Variants in CEP78 observed in about 807,000 individuals in gnomAD.
The protein encoded by CEP78 is centrosomal protein of 78 kDa.
CEP78 carries 76 observed loss-of-function variants against 81.2 expected under a neutral mutation model. The observed-to-expected ratio is 0.94, with a 90% CI of 0.78 to 1.13. The LOEUF (loss-of-function observed/expected upper bound fraction) is 1.13. CEP78 is among the 50% of genes most tolerant of loss of function. CEP78 has a pLI of 0.00. For missense variants in CEP78, 918 were observed against 846.8 expected, an observed-to-expected ratio of 1.08 and a Z score of -1.04; for synonymous variants, 293 against 301.4, an observed-to-expected ratio of 0.97 and a Z score of 0.29.
At chr9:78,261,257 A>G (rs927109377) in intron 11 of CEP78, among the ~76,000 whole-genome samples, 3 of 152,036 alleles carry the variant, frequency 2.0e-5, no homozygotes, top group Non-Finnish European at 4.4e-5. Flanking sequence ...TGTATTTTTG[A>G]TCTGCATTTG....
chr9:78,243,038 TA>T (rs1826306384), intron 4 of CEP78, among the ~76,000 whole-genome samples: 1 of 152,202 alleles, frequency 6.6e-6, no homozygotes, highest in African/African-American at 2.4e-5. Context: ...AGTTTATTAA[TA>T]AATAACTTAC....
chr9:78,264,439 C>A, intron 13 of CEP78, 123 bp downstream of exon 13: 1 of 662,436 alleles, frequency 1.5e-6, no homozygotes, highest in Non-Finnish European at 2.4e-6. Flanking sequence ...AAGTAATACA[C>A]TTGATTTTTT....
chr9:78,250,148 A>G (rs1303452173), intron 8 of CEP78: 3 of 396,988 alleles, frequency 7.6e-6, no homozygotes, highest in Non-Finnish European at 1.3e-5. Context: ...TTTTCTTAGC[A>G]TGATTAAAGA....
chr9:78,240,318 G>A lies in CEP78; in HGVS notation c.453G>A (p.Val151=), dbSNP rs765143705. ...AKGLNKSASL[V]HLSLANCPIG... is the part of the protein sequence containing the mutation. ...GATTGAATAAATCGGCTTCTTTGGT[G>A]CACCTGTCTCTTGCAAATTGTCCAA... The change falls in exon 3 of 17, where the codon GTG becomes GTA. Residue 151 remains valine (V), a synonymous_variant. Coordinates refer to ENST00000643273, the MANE Select transcript of CEP78 (RefSeq NM_001330691.3). 1 of 1,597,974 alleles carries A rather than the reference G, an allele frequency of 6.3e-7. No individual in the cohort carries two copies.
chr9:78,241,704 C>G lies in CEP78; in HGVS notation c.508C>G (p.Gln170Glu). 2 of 1,545,816 alleles carry G rather than the reference C, an allele frequency of 1.3e-6. No individual in the cohort carries two copies. The highest frequency in any genetic ancestry group is 1.8e-6 in the Non-Finnish European group (2 of 1,130,786). ...IGDGGLEIIC[Q>E]GIKSSITLKT... ...TTTTTTTTCCATTTTAGTTATTTGT[C>G]AAGGTATAAAGAGCTCTATCACTCT... The change falls in exon 4 of 17, where the codon CAA becomes GAA. Residue 170 changes from glutamine (Q) to glutamate (E), a missense_variant. By Grantham distance (29) the Gln-to-Glu change is conservative (BLOSUM62 2). Transcript: ENST00000643273.
At chr9:78,242,104 A>C (rs1269615956) in intron 4 of CEP78, among the ~76,000 whole-genome samples, 1 of 152,230 alleles carries the variant, frequency 6.6e-6, no homozygotes, top group Admixed American at 6.5e-5. Context: ...TGTATTTAGG[A>C]TAAAATTACA....
chr9:78,255,093 T>TC, intron 11 of CEP78, 129 bp downstream of exon 11: 2 of 609,096 alleles, frequency 3.3e-6, no homozygotes, highest in Non-Finnish European at 5.4e-6. Flanking sequence ...CTATCTCATA[T>TC]CCCTTGAATG....
Position 78,236,363 on chromosome 9 carries a change from G to A in CEP78, c.13G>A (p.Val5Met), listed in dbSNP as rs766857594. Residue 5 changes from valine to methionine, a missense_variant, in exon 1 of 17, where the codon GTG (valine) becomes ATG (methionine). Val to Met is a conservative substitution (Grantham distance 21). Coordinates refer to ENST00000643273, the MANE Select transcript of CEP78 (RefSeq NM_001330691.3). MIDS[V>M]KLRRDSAADF... ...CCGCCCTCGGGCCATGATCGACTCC[G>A]TGAAGCTGCGCCGCGACAGCGCGGC... is the stretch of plus-strand genomic sequence containing the variant. The A allele has an allele frequency of 6.3e-7, 1 of 1,579,690 alleles. No homozygotes were observed. The highest frequency in any genetic ancestry group is 1.3e-5 in the African/African-American group (1 of 74,402).
chr9:78,250,296 ATAGT>A (rs1452907525), intron 8 of CEP78: 11 of 398,084 alleles, frequency 2.8e-5, no homozygotes, highest in South Asian at 1.3e-4. Flanking sequence ...TTTATATTTA[ATAGT>A]TAGGTGTCAG....
chr9:78,262,219 T>TTA (rs1827308746), intron 11 of CEP78, among the ~76,000 whole-genome samples: 1 of 151,654 alleles, frequency 6.6e-6, no homozygotes, highest in Non-Finnish European at 1.5e-5. Flanking sequence ...TTTTTTTTTT[T>TTA]ACCAATCACA....
At chr9:78,245,501 C>A (rs139991596) in intron 5 of CEP78, among the ~76,000 whole-genome samples, 1 of 152,142 alleles carries the variant, frequency 6.6e-6, no homozygotes, top group Non-Finnish European at 1.5e-5. Context: ...AATACTACTA[C>A]CCTGTTGTGG....
intron 16 of CEP78, chr9:78,267,214 T>C (rs1827581967): frequency 9.9e-6 from 4 of 402,038 alleles, no homozygotes; most frequent in South Asian, 8.1e-5. Flanking sequence ...GAGGGGCTAG[T>C]ATGTATAATA....
chr9:78,259,635 T>C (rs1303556792), intron 11 of CEP78, among the ~76,000 whole-genome samples: 1 of 152,228 alleles, frequency 6.6e-6, no homozygotes, highest in Non-Finnish European at 1.5e-5. Context: ...CACCAGGCAC[T>C]CTTCTCAGTT....
chr9:78,264,343 C>A, intron 13 of CEP78, 27 bp downstream of exon 13: 2 of 1,604,348 alleles, frequency 1.2e-6, no homozygotes, highest in South Asian at 1.1e-5. Context: ...CTATGACATT[C>A]GTCCCTCCAT....
Position 78,256,563 on chromosome 9 carries a change from C to T in CEP78, c.1380+1599C>T, listed in dbSNP as rs1482217791. Among the ~76,000 whole-genome samples the T allele has an allele frequency of 8.0e-5, 10 of 124,500 alleles. No individual in the cohort carries two copies. In the South Asian group the frequency reaches 1.4e-3, roughly 17 times the overall value. The allele number at this position is 124,500 out of a possible 152,430, so 81.7% of individuals were successfully genotyped here. A position where few individuals can be genotyped will look rare whatever the true frequency, so the allele number is the denominator to read the frequency against. The stretch of plus-strand genomic sequence containing the variant: ...TTTTTTTTTTTTTGAGATGGAGTCT[C>T]GCTCTGTCGCCCAGGCTGGAATGCA... On this transcript the variant is annotated intron_variant, in intron 11 of 16. Coordinates refer to ENST00000643273, the MANE Select transcript of CEP78 (RefSeq NM_001330691.3).
chr9:78,259,227 C>T (rs1208631527), intron 11 of CEP78, among the ~76,000 whole-genome samples: 1 of 152,156 alleles, frequency 6.6e-6, no homozygotes, highest in African/African-American at 2.4e-5. Context: ...TGTGCATTCA[C>T]TATGATTCCC....
Position 78,264,253 on chromosome 9 carries a change from T to G in CEP78, c.1562T>G (p.Leu521Trp). 1.9e-6 allele frequency: 3 copies of G among 1,612,394 alleles called. No homozygotes were observed. The highest frequency in any genetic ancestry group is 1.1e-5 in the South Asian group (1 of 91,008). Residue 521 changes from leucine (L) to tryptophan (W), a missense_variant, in exon 13 of 17, where the codon TTG becomes TGG. Leu to Trp is a moderately conservative substitution (Grantham distance 61, BLOSUM62 -2). Transcript: ENST00000643273. The stretch of plus-strand genomic sequence containing the variant: ...ATGATCCTGGATGATGAAGGTGTTT[T>G]GGGCAGCATTGAGAATTCTTTTCAG... ...TNMILDDEGVLGSIENSFQKF... is the reference protein window; with the variant it reads ...TNMILDDEGVWGSIENSFQKF...
rs894913243 is a variant in CEP78, at chr9:78,276,661, T to C, written c.*5810T>C. ...TTAGAAAATGTATGAGGAAATAGACTCTCATCCACAATAGCTGCGAGAAGT... is the reference window on the plus strand; with the variant it reads ...TTAGAAAATGTATGAGGAAATAGACCCTCATCCACAATAGCTGCGAGAAGT... On this transcript the variant is annotated 3_prime_UTR_variant, in exon 17 of 17. Transcript: ENST00000643273. The C allele has an allele frequency of 2.6e-5, 4 of 151,844 alleles. No homozygotes were observed. The highest frequency in any genetic ancestry group is 5.9e-5 in the Non-Finnish European group (4 of 67,980). The allele number at this position is 151,844 out of a possible 1,614,324, so 9.4% of individuals were successfully genotyped here. A position where few individuals can be genotyped will look rare whatever the true frequency, so the allele number is the denominator to read the frequency against.
rs1188633102 is a variant in CEP78, at chr9:78,275,606, CAAAAAAAAAA to C, written c.*4765_*4774del. The C allele has an allele frequency of 2.9e-5, 2 of 68,174 alleles. No individual in the cohort carries two copies. Among genetic ancestry groups the C allele is most frequent in the Admixed American group, 1.5e-4 (1 of 6,536 alleles). The allele number at this position is 68,174 out of a possible 1,614,324, so 4.2% of individuals were successfully genotyped here. On this transcript the variant is annotated 3_prime_UTR_variant, in exon 17 of 17. Coordinates refer to ENST00000643273, the MANE Select transcript of CEP78 (RefSeq NM_001330691.3). Reference sequence around the variant, plus strand: ...GGAGACAAGAGGGAAACTCTGTCTCCAAAAAAAAAAAAAAAAAAATACAGTTAGAAAAACT... The same window carrying C: ...GGAGACAAGAGGGAAACTCTGTCTCCAAAAAAAAATACAGTTAGAAAAACT...
Sources: allele counts gnomAD v4.1 joint callset (sites outside exome capture counted in the v4.1 genomes callset), GRCh38; gene constraint gnomAD v4.1.1; transcripts MANE v1.5; gene names NCBI Gene and HGNC (gene_info 2026-07-23, HGNC 2026-07-21).